SPSB1: variants seen among roughly 807,000 people sequenced by gnomAD.
The protein encoded by SPSB1 is splA/ryanodine receptor domain and SOCS box containing 1, also known as SPRY domain-containing SOCS box protein 1.
Under a neutral mutation model 21.2 loss-of-function variants are expected in SPSB1, and 8 were observed. The observed-to-expected ratio is 0.38, with a 90% CI of 0.22 to 0.68. The LOEUF is 0.68. Ranked by LOEUF, SPSB1 falls within the 30% of genes least tolerant of loss-of-function variation. SPSB1 has a pLI of 0.53. For missense variants in SPSB1, 242 were observed against 377.8 expected, an observed-to-expected ratio of 0.64 and a Z score of 2.98; for synonymous variants, 169 against 161.7, an observed-to-expected ratio of 1.05 and a Z score of -0.34.
At chr1:9,310,928 C>T (rs558606949) in intron 1 of SPSB1, among the ~76,000 whole-genome samples, 2 of 152,098 alleles carry the variant, frequency 1.3e-5, no homozygotes, top group East Asian at 1.9e-4. Context: ...ATAAATTATA[C>T]GTACATGTCA....
At chr1:9,339,738 G>A (rs1418087840) in intron 1 of SPSB1, among the ~76,000 whole-genome samples, 2 of 152,134 alleles carry the variant, frequency 1.3e-5, no homozygotes, top group Non-Finnish European at 2.9e-5. Flanking sequence ...CCCAGACCCC[G>A]AGTGACTGAT....
chr1:9,309,301 A>AGT (rs35952855), intron 1 of SPSB1, among the ~76,000 whole-genome samples: 5,730 of 133,102 alleles, frequency 0.043, 214 homozygotes, highest in African/African-American at 0.1. Flanking sequence ...AGAGAGAGAG[A>AGT]GTGTGTGTGT....
At chr1:9,308,123 C>T (rs1226972649) in intron 1 of SPSB1, among the ~76,000 whole-genome samples, 1 of 152,210 alleles carries the variant, frequency 6.6e-6, no homozygotes, top group Non-Finnish European at 1.5e-5. Context: ...GTCTTAATTC[C>T]ATTCCTTCCA....
At chr1:9,357,362 T>C (rs1640389790) in intron 2 of SPSB1, among the ~76,000 whole-genome samples, 1 of 152,128 alleles carries the variant, frequency 6.6e-6, no homozygotes, top group Non-Finnish European at 1.5e-5. Flanking sequence ...GATGGATAAA[T>C]GGATAGATGG....
chr1:9,296,688 C>T (rs1639231974), intron 1 of SPSB1, among the ~76,000 whole-genome samples: 3 of 152,192 alleles, frequency 2.0e-5, no homozygotes, highest in African/African-American at 7.2e-5. Flanking sequence ...TCTGTAGCTT[C>T]TTCCTAAGAA....
rs1371867997 is a variant in SPSB1 at position 9,324,026 on chromosome 1, C to A, written c.-150+30955C>A. Among the ~76,000 whole-genome samples the A allele has an allele frequency of 6.6e-6, 1 of 152,234 alleles. No homozygotes were observed. Among genetic ancestry groups the A allele is most frequent in the Admixed American group, 6.5e-5 (1 of 15,290 alleles). On this transcript the variant is annotated intron_variant, in intron 1 of 2. Coordinates refer to ENST00000328089, the MANE Select transcript of SPSB1 (RefSeq NM_025106.4). The surrounding 1 kb of genome is among the most constrained non-coding windows in gnomAD (Gnocchi z 4.3). Reference sequence around the variant, plus strand: ...CCACAGCTGTCCTTGATGGCCCAAACTCGGGCCGCAGAACCCCTCCTCAGG... The same window carrying A: ...CCACAGCTGTCCTTGATGGCCCAAAATCGGGCCGCAGAACCCCTCCTCAGG...
At chr1:9,336,794 C>T (rs1229633616) in intron 1 of SPSB1, among the ~76,000 whole-genome samples, 2 of 152,202 alleles carry the variant, frequency 1.3e-5, no homozygotes, top group African/African-American at 4.8e-5. Context: ...GATGAAACTG[C>T]ACTGCTCCCT....
At chr1:9,341,104 T>C (rs564209354) in intron 1 of SPSB1, among the ~76,000 whole-genome samples, 8 of 152,336 alleles carry the variant, frequency 5.3e-5, no homozygotes, top group African/African-American at 1.9e-4. Flanking sequence ...ACTTCCCCTT[T>C]CTTCCCCTTG....
In SPSB1 at chr1:9,367,007, C is replaced by A. The variant is rs1285614638; in HGVS notation, c.695-441C>A. 6.6e-6 allele frequency among the ~76,000 whole-genome samples: 1 copy of A among 152,244 alleles called. No individual in the cohort carries two copies. Among genetic ancestry groups the A allele is most frequent in the Admixed American group, 6.5e-5 (1 of 15,290 alleles). ...GCTCCCATGTGTTCCGACCGACAGG[C>A]CCCAATGGCAGCTGCTTGCCTGGAC... On this transcript the variant is annotated intron_variant, in intron 2 of 2. Coordinates refer to ENST00000328089, the MANE Select transcript of SPSB1 (RefSeq NM_025106.4). This position sits in a 1 kb window ranked among gnomAD's most constrained non-coding sequence, Gnocchi z 5.9.
chr1:9,293,872 A>G lies in SPSB1; in HGVS notation c.-150+801A>G, dbSNP rs10864406. Among the ~76,000 whole-genome samples the G allele has an allele frequency of 0.87, 131,785 of 152,068 alleles. 57,479 individuals are homozygous for G. Among genetic ancestry groups the G allele is most frequent in the African/African-American group, 0.96 (40,005 of 41,500 alleles). ...AGTGCATCTGCGTGTGTGTTTGTGC[A>G]TGTCCTTGTGAATATGTGCCTGCGT... On this transcript the variant is annotated intron_variant, in intron 1 of 2. Transcript: ENST00000328089. The surrounding 1 kb of genome is among the most constrained non-coding windows in gnomAD (Gnocchi z 5.1).
Position 9,367,551 on chromosome 1 carries a change from C to T in SPSB1, c.798C>T (p.Leu266=). Residue 266 remains leucine, a synonymous_variant, in exon 3 of 3, where the codon CTC becomes CTT. Transcript: ENST00000328089. The surrounding 1 kb of genome is among the most constrained non-coding windows in gnomAD (Gnocchi z 5.9). ...ACACGCTGCCGCTGCCGGCTTCCCT[C>T]AAGGCCTACCTCCTCTACCAGTGAC... ...EIHTLPLPAS[L]KAYLLYQ is the part of the protein sequence containing the mutation. 4 of 1,612,206 alleles carry T rather than the reference C, an allele frequency of 2.5e-6. No individual in the cohort carries two copies. Among genetic ancestry groups the T allele is most frequent in the Non-Finnish European group, 3.4e-6 (4 of 1,179,078 alleles).
chr1:9,294,928 G>A (rs1304141747), intron 1 of SPSB1, among the ~76,000 whole-genome samples: 2 of 152,142 alleles, frequency 1.3e-5, no homozygotes, highest in South Asian at 2.1e-4. Context: ...GGGAAGTCCT[G>A]TCTTACTGTC....
Position 9,356,200 on chromosome 1 carries a change from G to T in SPSB1, c.309G>T (p.Thr103=), listed in dbSNP as rs34876467. Residue 103 remains threonine (T), a synonymous_variant, in exon 2 of 3, where the codon ACG becomes ACT. Transcript: ENST00000328089. The surrounding 1 kb of genome is among the most constrained non-coding windows in gnomAD (Gnocchi z 7.4). ...GTGGGCTGCACGTGTGGCAGATCAC[G>T]TGGGCCATGAGACAGCGGGGCACAC... ...YTRGLHVWQI[T]WAMRQRGTHA... is the part of the protein sequence containing the mutation. 4 of 1,590,712 alleles carry T rather than the reference G, an allele frequency of 2.5e-6. No individual in the cohort carries two copies. In the African/African-American group the frequency reaches 4.0e-5, roughly 16 times the overall value.
At chr1:9,327,928 G>A (rs1295581221) in intron 1 of SPSB1, among the ~76,000 whole-genome samples, 1 of 152,234 alleles carries the variant, frequency 6.6e-6, no homozygotes, top group East Asian at 1.9e-4. Flanking sequence ...AAGAGGACGG[G>A]CCCTAACGGG....
intron 1 of SPSB1, among the ~76,000 whole-genome samples, chr1:9,314,852 AG>A (rs760275208): frequency 9.2e-5 from 14 of 152,154 alleles, no homozygotes; most frequent in Non-Finnish European, 2.1e-4. Flanking sequence ...GGCACAAATG[AG>A]GGAGGCAGCC....
intron 1 of SPSB1, among the ~76,000 whole-genome samples, chr1:9,330,692 T>C (rs1186922004): frequency 1.1e-5 from 1 of 90,764 alleles, no homozygotes; most frequent in Non-Finnish European, 2.3e-5. Flanking sequence ...GACTGGAGCA[T>C]GTTCTTCTGA....
chr1:9,293,146 C>T lies in SPSB1; in HGVS notation c.-150+75C>T, dbSNP rs1019549985. 750 of 969,714 alleles carry T rather than the reference C, an allele frequency of 7.7e-4. No individual in the cohort carries two copies. The highest frequency in any genetic ancestry group is 8.9e-4 in the Non-Finnish European group (726 of 818,394). 60.1% of individuals were successfully genotyped at this position (969,714 alleles called of 1,614,324 possible). On this transcript the variant is annotated intron_variant, in intron 1 of 2. Coordinates refer to ENST00000328089, the MANE Select transcript of SPSB1 (RefSeq NM_025106.4). The surrounding 1 kb of genome is among the most constrained non-coding windows in gnomAD (Gnocchi z 5.1). ...GGAGGGGGAGGCGCGGGGGGCCGGG[C>T]GAGGGCGGACGCGGGGATCGCGCCG...
intron 1 of SPSB1, among the ~76,000 whole-genome samples, chr1:9,314,175 C>CAAAAAAAAAAA (rs58276325): frequency 7.2e-6 from 1 of 138,758 alleles, no homozygotes. Flanking sequence ...GACTCTATCT[C>CAAAAAAAAAAA]AAAAAAAAAA....
chr1:9,328,758 C>A (rs1408056690), intron 1 of SPSB1, among the ~76,000 whole-genome samples: 1 of 152,226 alleles, frequency 6.6e-6, no homozygotes, highest in Non-Finnish European at 1.5e-5. Flanking sequence ...CGTCTTTTCA[C>A]CTGAAGCTCA....
Sources: allele counts gnomAD v4.1 joint callset (sites outside exome capture counted in the v4.1 genomes callset), GRCh38; gene constraint gnomAD v4.1.1; non-coding constraint Gnocchi (gnomAD v3.1); transcripts MANE v1.5; gene names NCBI Gene and HGNC (gene_info 2026-07-23, HGNC 2026-07-21).